Variants in CSMD3 observed in about 807,000 individuals in gnomAD.
CSMD3 encodes CUB and Sushi multiple domains 3, also known as CUB and sushi domain-containing protein 3.
In CSMD3, 177 loss-of-function variants were observed where a neutral mutation model predicts 435.2. That is an observed-to-expected ratio of 0.41 (90% CI 0.36 to 0.46). CSMD3 has a LOEUF of 0.46. CSMD3 is among the 20% of genes least tolerant of loss of function. The pLI is 0.34. For synonymous variants in CSMD3, 1,656 were observed against 1,520.5 expected, an observed-to-expected ratio of 1.09 and a Z score of -2.07; for missense variants, 4,265 against 4,504.6, an observed-to-expected ratio of 0.95 and a Z score of 1.52.
At position 112,569,843 on chromosome 8, in the gene CSMD3, A is replaced by T. The variant is rs138265794; in HGVS notation, c.4042+3658T>A. 3.6e-3 allele frequency among the ~76,000 whole-genome samples: 547 copies of T among 152,012 alleles called. 2 individuals carry two copies. Among genetic ancestry groups the T allele is most frequent in the African/African-American group, 0.013 (521 of 41,456 alleles). ...TTTGCCTGTAATACTTCCCACAATT[A>T]TTTTTCTGTGAACCACCAACCTGAC... On this transcript the variant is annotated intron_variant, in intron 24 of 70. Transcript: ENST00000297405.
intron 32 of CSMD3, among the ~76,000 whole-genome samples, chr8:112,450,943 T>C (rs1816191719): frequency 6.6e-6 from 1 of 152,172 alleles, no homozygotes; most frequent in South Asian, 2.1e-4. Context: ...TGCCATCAAA[T>C]ACATATATAA....
intron 51 of CSMD3, 129 bp downstream of exon 51, chr8:112,305,878 T>G: frequency 2.5e-6 from 2 of 811,544 alleles, no homozygotes; most frequent in East Asian, 5.2e-5. Flanking sequence ...CTTACTTAAC[T>G]TTTATTTCTG....
intron 63 of CSMD3, 135 bp from the exon 64 acceptor site, chr8:112,247,266 T>G (rs909201047): frequency 4.3e-5 from 28 of 655,788 alleles, no homozygotes; most frequent in Admixed American, 1.3e-4. Context: ...AATTGAAATC[T>G]GATTTAAAAT....
At chr8:112,611,207 C>A (rs554533103) in intron 22 of CSMD3, among the ~76,000 whole-genome samples, 352 of 152,282 alleles carry the variant, frequency 2.3e-3, no homozygotes, top group African/African-American at 8.1e-3. Context: ...TAAACCTTGA[C>A]TTTACATCTG....
At chr8:112,244,744 T>C (rs1276668131) in intron 64 of CSMD3, among the ~76,000 whole-genome samples, 171 bp from the exon 65 acceptor site, 1 of 152,148 alleles carries the variant, frequency 6.6e-6, no homozygotes, top group Non-Finnish European at 1.5e-5. Flanking sequence ...TACTTATTGA[T>C]TTCATACTTT....
chr8:113,167,804 T>C (rs2092183208), intron 4 of CSMD3, among the ~76,000 whole-genome samples: 1 of 152,162 alleles, frequency 6.6e-6, no homozygotes, highest in Non-Finnish European at 1.5e-5. Flanking sequence ...GCACAACATG[T>C]TTTCTTCATT....
intron 3 of CSMD3, among the ~76,000 whole-genome samples, chr8:113,205,625 C>T (rs1173505749): frequency 6.6e-6 from 1 of 152,138 alleles, no homozygotes; most frequent in East Asian, 1.9e-4. Flanking sequence ...CATGACTTAA[C>T]AGAATGTGCA....
At chr8:112,834,443 A>G (rs1376472468) in intron 11 of CSMD3, among the ~76,000 whole-genome samples, 1 of 151,862 alleles carries the variant, frequency 6.6e-6, no homozygotes, top group Admixed American at 6.6e-5. Flanking sequence ...AGCCATTAAT[A>G]TAAGTAAGGT....
intron 6 of CSMD3, among the ~76,000 whole-genome samples, chr8:112,996,196 C>T (rs2085646787): frequency 6.6e-6 from 1 of 151,180 alleles, no homozygotes; most frequent in Non-Finnish European, 1.5e-5. Flanking sequence ...TATAATACAT[C>T]TCTTGAACTT....
intron 1 of CSMD3, among the ~76,000 whole-genome samples, chr8:113,348,537 T>C (rs2094167362): frequency 6.6e-6 from 1 of 152,048 alleles, no homozygotes; most frequent in Non-Finnish European, 1.5e-5. Flanking sequence ...GGGAGGAAGA[T>C]GCAAAAAGAT....
intron 5 of CSMD3, among the ~76,000 whole-genome samples, chr8:113,039,116 C>A (rs1385726927): frequency 6.6e-6 from 1 of 151,932 alleles, no homozygotes; most frequent in Non-Finnish European, 1.5e-5. Flanking sequence ...TATTGTAGTA[C>A]AAAATCCATG....
At chr8:113,356,849 G>A (rs13271982) in intron 1 of CSMD3, among the ~76,000 whole-genome samples, 97,531 of 151,836 alleles carry the variant, frequency 0.64, 32,736 homozygotes, top group Admixed American at 0.75. Context: ...TTCTAAAAAT[G>A]CAAGCAAAAG....
chr8:112,331,126 G>A (rs915494258), intron 45 of CSMD3, among the ~76,000 whole-genome samples: 5 of 151,978 alleles, frequency 3.3e-5, no homozygotes, highest in African/African-American at 1.2e-4. Context: ...TCAATAAATG[G>A]TTGTTACCAC....
intron 38 of CSMD3, among the ~76,000 whole-genome samples, chr8:112,370,064 AAGAAG>A (rs1828219441): frequency 6.6e-6 from 1 of 150,714 alleles, no homozygotes; most frequent in Non-Finnish European, 1.5e-5. Context: ...GAAGAAGAAG[AAGAAG>A]AAGAAGAAGA....
chr8:113,292,656 T>A (rs2093694109), intron 2 of CSMD3, among the ~76,000 whole-genome samples: 1 of 151,886 alleles, frequency 6.6e-6, no homozygotes, highest in Non-Finnish European at 1.5e-5. Context: ...AAATGTAATT[T>A]TTGAGGTAAC....
chr8:112,250,279 C>G (rs1391694910), intron 63 of CSMD3, among the ~76,000 whole-genome samples: 1 of 151,710 alleles, frequency 6.6e-6, no homozygotes. Context: ...AAATATTAAC[C>G]AAATATTATA....
At chr8:112,568,543 G>C (rs1829248252) in intron 24 of CSMD3, among the ~76,000 whole-genome samples, 1 of 150,896 alleles carries the variant, frequency 6.6e-6, no homozygotes, top group East Asian at 2.0e-4. Context: ...TCCAGCCTGG[G>C]CGACAGAGCA....
At chr8:112,597,065 A>G (rs1321454397) in intron 22 of CSMD3, among the ~76,000 whole-genome samples, 1 of 152,170 alleles carries the variant, frequency 6.6e-6, no homozygotes, top group Non-Finnish European at 1.5e-5. Context: ...TCAAAAAATT[A>G]ATGAATCCAG....
intron 7 of CSMD3, among the ~76,000 whole-genome samples, chr8:112,968,062 G>T (rs1002630153): frequency 6.6e-6 from 1 of 151,142 alleles, no homozygotes; most frequent in Admixed American, 6.6e-5. Context: ...AGAAGTTTTC[G>T]AATTTAAGGC....
Sources: gnomAD v4.1 joint callset for allele counts (sites outside exome capture counted in the v4.1 genomes callset) on GRCh38, gnomAD v4.1.1 for gene constraint, MANE v1.5 for transcripts, NCBI Gene and HGNC (gene_info 2026-07-23, HGNC 2026-07-21) for gene names.